Variants in RCBTB2 observed in about 807,000 individuals in gnomAD.
RCBTB2 encodes RCC1 and BTB domain-containing protein 2.
In RCBTB2, 55 loss-of-function variants were observed where a neutral mutation model predicts 65.4. That is an observed-to-expected ratio of 0.84 (90% confidence interval 0.68 to 1.05). The LOEUF (loss-of-function observed/expected upper bound fraction) is 1.05. RCBTB2 is among the 50% of genes least tolerant of loss of function. RCBTB2 has a pLI of 0.00. For synonymous variants in RCBTB2, 220 were observed against 255.2 expected (o/e 0.86, Z 1.31); for missense variants, 599 against 680.1 (o/e 0.88, Z 1.33).
intron 14 of RCBTB2, among the ~76,000 whole-genome samples, chr13:48,493,301 ACACACACACACACACTCTCTCTCTCT>A (rs1949798975): frequency 1.5e-5 from 1 of 66,822 alleles, no homozygotes; most frequent in African/African-American, 7.2e-5. Context: ...ACACACACAC[ACACACACACACACACTCTCTCTCTCT>A]CTCTCTCTCT....
Position 48,489,993 on chromosome 13 carries a change from G to C in RCBTB2, c.*118C>G. The stretch of plus-strand genomic sequence containing the variant: ...ACTCACCACCATCCTTCTTCTGACA[G>C]TTACAAGTACTCAGCCAAACATAGC... On this transcript the variant is annotated 3_prime_UTR_variant, in exon 15 of 15. Coordinates refer to ENST00000344532, the MANE Select transcript of RCBTB2 (RefSeq NM_001268.4). 1 of 1,117,966 alleles carries C rather than the reference G, an allele frequency of 8.9e-7. No individual in the cohort carries two copies. Among genetic ancestry groups the C allele is most frequent in the Admixed American group, 2.0e-5 (1 of 50,958 alleles). 69.3% of individuals were successfully genotyped at this position (1,117,966 alleles called of 1,614,324 possible). A position where few individuals can be genotyped will look rare whatever the true frequency, so the allele number is the denominator to read the frequency against.
intron 1 of RCBTB2, among the ~76,000 whole-genome samples, chr13:48,529,372 A>T (rs2138663037): frequency 6.6e-6 from 1 of 152,252 alleles, no homozygotes; most frequent in Non-Finnish European, 1.5e-5. Context: ...TCCACTTGAG[A>T]TTGGTTTTGT....
At chr13:48,496,808 G>GGGGAGGGGAGAGGAT (rs1950000903) in intron 13 of RCBTB2, among the ~76,000 whole-genome samples, 1 of 133,580 alleles carries the variant, frequency 7.5e-6, no homozygotes, top group African/African-American at 2.8e-5. Context: ...GGGGAGAGGA[G>GGGGAGGGGAGAGGAT]GGGAGGGGAG....
intron 4 of RCBTB2, among the ~76,000 whole-genome samples, chr13:48,516,576 A>G (rs1171238024): frequency 2.6e-5 from 4 of 152,108 alleles, no homozygotes; most frequent in African/African-American, 9.7e-5. Context: ...TCCCCTTTTT[A>G]TAAGGACACC....
Position 48,510,610 on chromosome 13 carries a change from G to A in RCBTB2, c.926+19C>T, listed in dbSNP as rs369460161. ...ATCACCAAAGACCAGTGTGGGGACT[G>A]TGAAAATGCCCGTGTTACCTGTCCT... is the stretch of plus-strand genomic sequence containing the variant. On this transcript the variant is annotated intron_variant, in intron 10 of 14. Transcript: ENST00000344532. 1.2e-6 allele frequency: 2 copies of A among 1,612,994 alleles called. No homozygotes were observed. The highest frequency in any genetic ancestry group is 1.8e-4 in the Middle Eastern group (1 of 5,714).
intron 10 of RCBTB2, among the ~76,000 whole-genome samples, chr13:48,507,583 A>C: frequency 6.6e-6 from 1 of 152,254 alleles, no homozygotes; most frequent in East Asian, 1.9e-4. Context: ...GAAATGAAAA[A>C]GCAGAGAGTG....
chr13:48,533,517 G>A (rs8001241), upstream of RCBTB2, among the ~76,000 whole-genome samples: 34,730 of 152,134 alleles, frequency 0.23, 10,416 homozygotes, highest in African/African-American at 0.69. Context: ...TCTATCTGGG[G>A]GCTCCGATCA....
At chr13:48,494,017 C>A (rs191293822) in intron 14 of RCBTB2, among the ~76,000 whole-genome samples, 1 of 152,120 alleles carries the variant, frequency 6.6e-6, no homozygotes, top group Non-Finnish European at 1.5e-5. Context: ...GTTAAACATG[C>A]GGTTTTAAAA....
At chr13:48,525,318 C>A (rs370124110) in intron 1 of RCBTB2, among the ~76,000 whole-genome samples, 9 of 134,160 alleles carry the variant, frequency 6.7e-5, no homozygotes, top group African/African-American at 2.5e-4. Context: ...AGAATGCCTG[C>A]AAATCAGTAA....
At chr13:48,519,531 C>T (rs1951301424) in intron 4 of RCBTB2, among the ~76,000 whole-genome samples, 1 of 152,196 alleles carries the variant, frequency 6.6e-6, no homozygotes, top group Non-Finnish European at 1.5e-5. Flanking sequence ...ACTCTACTGG[C>T]TACTGGGATT....
chr13:48,492,469 T>C (rs1447848537), intron 14 of RCBTB2: 1 of 152,276 alleles, frequency 6.6e-6, no homozygotes, highest in Non-Finnish European at 1.5e-5. Context: ...TTCCTTTTTA[T>C]CTTTATAATA....
intron 1 of RCBTB2, among the ~76,000 whole-genome samples, chr13:48,527,361 T>TATGATATATATATATATATGATATA: frequency 1.8e-5 from 2 of 112,446 alleles, no homozygotes; most frequent in African/African-American, 1.1e-4. Context: ...TGATATATAT[T>TATGATATATATATATATATGATATA]TATATATGAT....
At chr13:48,524,982 A>C (rs1391153836) in intron 1 of RCBTB2, among the ~76,000 whole-genome samples, 1 of 152,104 alleles carries the variant, frequency 6.6e-6, no homozygotes, top group Non-Finnish European at 1.5e-5. Context: ...AAGCTTCAGG[A>C]GAGGGTTTCA....
chr13:48,511,730 G>A, intron 9 of RCBTB2, 40 bp downstream of exon 9: 1 of 1,535,484 alleles, frequency 6.5e-7, no homozygotes, highest in Admixed American at 1.9e-5. Context: ...TGCCAGCGAA[G>A]ACTTAAAAAT....
Position 48,512,691 on chromosome 13 carries a change from T to A in RCBTB2, c.516+38A>T, listed in dbSNP as rs371840036. 1.7e-5 allele frequency: 27 copies of A among 1,571,008 alleles called. No homozygotes were observed. The African/African-American group carries it at 3.0e-4, about 17-fold the overall frequency. ...ACTATAGAAGTCTACATAATCTTAT[T>A]GAAAAAAATCAATGAGCTTTATGCT... On this transcript the variant is annotated intron_variant, in intron 7 of 14. Transcript: ENST00000344532.
At chr13:48,525,314 C>T (rs1209268522) in intron 1 of RCBTB2, among the ~76,000 whole-genome samples, 1 of 138,018 alleles carries the variant, frequency 7.2e-6, no homozygotes, top group Non-Finnish European at 1.5e-5. Flanking sequence ...ATAAAGAATG[C>T]CTGCAAATCA....
At position 48,515,483 on chromosome 13, in the gene RCBTB2, G is replaced by A. The variant is rs941107036; in HGVS notation, c.198+103C>T. ...ATAATAAATAAAACCTAATTTCCAT[G>A]CTTTTTTTTTTAACCTTTTATTCCT... On this transcript the variant is annotated intron_variant, in intron 5 of 14. Transcript: ENST00000344532. 2.3e-4 allele frequency: 307 copies of A among 1,354,358 alleles called. 1 individual carries two copies. Among genetic ancestry groups the A allele is most frequent in the Admixed American group, 3.6e-4 (15 of 41,172 alleles). 83.9% of individuals were successfully genotyped at this position (1,354,358 alleles called of 1,614,324 possible). A position where few individuals can be genotyped will look rare whatever the true frequency, so the allele number is the denominator to read the frequency against.
intron 10 of RCBTB2, among the ~76,000 whole-genome samples, chr13:48,503,857 C>A (rs1489333557): frequency 6.6e-6 from 1 of 152,208 alleles, no homozygotes; most frequent in Non-Finnish European, 1.5e-5. Flanking sequence ...CCTCAGAACA[C>A]TTCTTAATGG....
intron 7 of RCBTB2, 49 bp from the exon 8 acceptor site, chr13:48,512,223 T>G: frequency 6.5e-7 from 1 of 1,528,612 alleles, no homozygotes; most frequent in Non-Finnish European, 9.0e-7. Context: ...TTATAAACTG[T>G]CTCAACTGGA....
Sources: allele counts gnomAD v4.1 joint callset (sites outside exome capture counted in the v4.1 genomes callset), GRCh38; gene constraint gnomAD v4.1.1; transcripts MANE v1.5; gene names NCBI Gene and HGNC (gene_info 2026-07-23, HGNC 2026-07-21).